EMILIN3: variants seen among roughly 807,000 people sequenced by gnomAD.
EMILIN3 encodes the protein elastin microfibril interfacer 3, also known as EMILIN-3.
A neutral mutation model predicts 42.8 loss-of-function variants in EMILIN3; 38 were observed. The observed-to-expected ratio is 0.89, with a 90% CI of 0.69 to 1.16. The LOEUF (loss-of-function observed/expected upper bound fraction) is 1.16. Among genes scored for constraint, EMILIN3 ranks in the 50% most tolerant of loss-of-function variants. The pLI, the probability that EMILIN3 is intolerant of heterozygous loss-of-function variation, is 0.00. For missense variants in EMILIN3, 924 were observed against 999.5 expected, an observed-to-expected ratio of 0.92 and a Z score of 1.02; for synonymous variants, 430 against 440.5, an observed-to-expected ratio of 0.98 and a Z score of 0.30.
In EMILIN3 at chr20:41,361,442, G is replaced by C; in HGVS notation, c.2127C>G (p.Gly709=). 1 of 1,607,192 alleles carries C rather than the reference G, an allele frequency of 6.2e-7. No homozygotes were observed. Among genetic ancestry groups the C allele is most frequent in the Non-Finnish European group, 8.5e-7 (1 of 1,176,218 alleles). ...GTGGCTCAGTGGGCAAGCTGTCCAG[G>C]CCCGCGGCCAGCAGGCCCAGCCTCC... is the stretch of plus-strand genomic sequence containing the variant. The part of the protein sequence containing the change: ...ACRRLGLLAA[G]LDSLPTEPLR... Residue 709 remains glycine, a synonymous_variant, in exon 4 of 4, where the codon GGC becomes GGG. Transcript: ENST00000332312.
At position 41,362,894 on chromosome 20, in the gene EMILIN3, G is replaced by C. The variant is rs367744702; in HGVS notation, c.675C>G (p.Gly225=). 1 of 1,613,558 alleles carries C rather than the reference G, an allele frequency of 6.2e-7. No homozygotes were observed. Among genetic ancestry groups the C allele is most frequent in the East Asian group, 2.2e-5 (1 of 44,878 alleles). Residue 225 remains glycine (G), a synonymous_variant, in exon 4 of 4, where the codon GGC becomes GGG. Coordinates refer to ENST00000332312, the MANE Select transcript of EMILIN3 (RefSeq NM_052846.2). ...CAAGCCCCTCAGGGATGACCCCAAA[G>C]CCCACAGGGACAGCAGGAGCCCTGG... is the stretch of plus-strand genomic sequence containing the variant. The part of the protein sequence containing the change: ...GGPRAPAVPV[G]FGVIPEGLVG...
At position 41,362,536 on chromosome 20, in the gene EMILIN3, G is replaced by A. The variant is rs754081127; in HGVS notation, c.1033C>T (p.Gln345Ter). 8.1e-6 allele frequency: 13 copies of A among 1,598,684 alleles called. No homozygotes were observed. Among genetic ancestry groups the A allele is most frequent in the African/African-American group, 1.3e-5 (1 of 74,916 alleles). ...TGGTGCAGCCTCCGGCTGGCGGCCT[G>A]ACCCTCCTCACATTGCCGCCGTACC... ...QEVRRQCEEG[Q>*]AASRRLHQSL... is the part of the protein sequence containing the mutation. Residue 345 changes from glutamine to a stop codon, truncating the protein, a stop_gained, in exon 4 of 4, where the codon CAG (glutamine) becomes TAG (stop). Transcript: ENST00000332312. LOFTEE classifies it high-confidence loss of function.
In EMILIN3 at chr20:41,360,566, AGAGAACTCTTGGCT is replaced by A. The variant is rs2046348099; in HGVS notation, c.*688_*701del. The A allele has an allele frequency of 6.5e-6, 1 of 152,732 alleles. No individual in the cohort carries two copies. Among genetic ancestry groups the A allele is most frequent in the Non-Finnish European group, 1.5e-5 (1 of 68,086 alleles). 9.5% of individuals were successfully genotyped at this position (152,732 alleles called of 1,614,324 possible). A position where few individuals can be genotyped will look rare whatever the true frequency, so the allele number is the denominator to read the frequency against. On this transcript the variant is annotated 3_prime_UTR_variant, in exon 4 of 4. Transcript: ENST00000332312. Reference sequence around the variant, plus strand: ...CTTGGGGGAGGATCAAAGGGAATAAAGAGAACTCTTGGCTGAGTCTTTGTGCTTCTGTTCTGTCC... The same window carrying A: ...CTTGGGGGAGGATCAAAGGGAATAAAGAGTCTTTGTGCTTCTGTTCTGTCC...
chr20:41,360,968 C>T lies in EMILIN3; in HGVS notation c.*300G>A. 3 of 431,336 alleles carry T rather than the reference C, an allele frequency of 7.0e-6. No individual in the cohort carries two copies. The highest frequency in any genetic ancestry group is 1.2e-5 in the Non-Finnish European group (3 of 240,484). The allele number at this position is 431,336 out of a possible 1,614,324, so 26.7% of individuals were successfully genotyped here. ...TGCCCCTGCCAGCCATGCTCAGGCC[C>T]TGCAGCTGGCTGTCCAGACACTGAT... On this transcript the variant is annotated 3_prime_UTR_variant, in exon 4 of 4. Transcript: ENST00000332312.
chr20:41,364,946 C>G (rs1208921557), intron 2 of EMILIN3, 89 bp downstream of exon 2: 3 of 1,578,570 alleles, frequency 1.9e-6, no homozygotes, highest in Non-Finnish European at 2.6e-6. Flanking sequence ...CAAGAAGCCC[C>G]TTGTGGAGTT....
rs775490824 is a variant in EMILIN3 at position 41,362,600 on chromosome 20, C to T, written c.969G>A (p.Leu323=). Reference sequence around the variant, plus strand: ...GGTCACACTCACTCTGGACGCCTTGCAGCTTCTGCTCAAAGCCATCCAGCA... The same window carrying T: ...GGTCACACTCACTCTGGACGCCTTGTAGCTTCTGCTCAAAGCCATCCAGCA... The part of the protein sequence containing the change: ...GSLLDGFEQK[L]QGVQSECDLR... The change falls in exon 4 of 4, where the codon CTG becomes CTA. Residue 323 remains leucine, a synonymous_variant. Transcript: ENST00000332312. 2.2e-5 allele frequency: 36 copies of T among 1,602,156 alleles called. No individual in the cohort carries two copies. The highest frequency in any genetic ancestry group is 3.0e-5 in the Non-Finnish European group (35 of 1,179,436).
In EMILIN3 at chr20:41,361,987, C is replaced by G; in HGVS notation, c.1582G>C (p.Ala528Pro). ...ETSCTPSTTS[A>P]ILDSLVAEVK... is the part of the protein sequence containing the mutation. ...TCTGCCACGAGGCTGTCCAGGATGG[C>G]TGAGGTGGTGCTCGGGGTGCACGAA... Residue 528 changes from alanine (A) to proline (P), a missense_variant, in exon 4 of 4, where the codon GCC becomes CCC. Coordinates refer to ENST00000332312, the MANE Select transcript of EMILIN3 (RefSeq NM_052846.2). 6.2e-7 allele frequency: 1 copy of G among 1,611,754 alleles called. No homozygotes were observed. Among genetic ancestry groups the G allele is most frequent in the Non-Finnish European group, 8.5e-7 (1 of 1,178,332 alleles).
rs1375994279 is a variant in EMILIN3, at chr20:41,366,726, G to C, written c.-92C>G. ...CGCCGCCCCCGCCGCTGGTCGGCCC[G>C]GGTCCCGCCCCGAGGGTCCCGGGGT... On this transcript the variant is annotated 5_prime_UTR_variant, in exon 1 of 4. Coordinates refer to ENST00000332312, the MANE Select transcript of EMILIN3 (RefSeq NM_052846.2). The surrounding 1 kb of genome is among the most constrained non-coding windows in gnomAD (Gnocchi z 4.2). 5 of 883,952 alleles carry C rather than the reference G, an allele frequency of 5.7e-6. No individual in the cohort carries two copies. The highest frequency in any genetic ancestry group is 6.8e-6 in the Non-Finnish European group (5 of 739,018). 54.8% of individuals were successfully genotyped at this position (883,952 alleles called of 1,614,324 possible). A position where few individuals can be genotyped will look rare whatever the true frequency, so the allele number is the denominator to read the frequency against.
At chr20:41,363,388 G>T (rs546860102) in intron 3 of EMILIN3, among the ~76,000 whole-genome samples, 1 of 152,214 alleles carries the variant, frequency 6.6e-6, no homozygotes, top group South Asian at 2.1e-4. Context: ...TGATCCACCC[G>T]CCTCGGCCTC....
At position 41,362,710 on chromosome 20, in the gene EMILIN3, G is replaced by A. The variant is rs763128282; in HGVS notation, c.859C>T (p.Arg287Trp). The stretch of plus-strand genomic sequence containing the variant: ...GTGAGCGGGGATGGTGGGGCTTCCC[G>A]CAGCCGCTGCAGGTGGGCCTCATGG... ...LGHEAHLQRLREAPPSPLTSL... is the reference protein window; with the variant it reads ...LGHEAHLQRLWEAPPSPLTSL... Residue 287 changes from arginine to tryptophan, a missense_variant, in exon 4 of 4, where the codon CGG (arginine) becomes TGG (tryptophan). Arg to Trp is a moderately radical substitution (Grantham distance 101). Coordinates refer to ENST00000332312, the MANE Select transcript of EMILIN3 (RefSeq NM_052846.2). The A allele has an allele frequency of 4.0e-5, 65 of 1,613,636 alleles. No homozygotes were observed. The Middle Eastern group carries it at 6.6e-4, about 16-fold the overall frequency.
chr20:41,362,406 A>C lies in EMILIN3; in HGVS notation c.1163T>G (p.Leu388Arg), dbSNP rs1263148549. ...ATCCATACGGGCATTGATCAAGGCTAGTTGCCCACAGCAGCTGCCCCTGCC... is the reference window on the plus strand; with the variant it reads ...ATCCATACGGGCATTGATCAAGGCTCGTTGCCCACAGCAGCTGCCCCTGCC... Reference protein sequence around the residue: ...VSGRGSCCGQLALINARMDGL... With the variant: ...VSGRGSCCGQRALINARMDGL... The change falls in exon 4 of 4, where the codon CTA becomes CGA. Residue 388 changes from leucine (L) to arginine (R), a missense_variant. Transcript: ENST00000332312. 3.1e-6 allele frequency: 5 copies of C among 1,602,326 alleles called. No individual in the cohort carries two copies. The highest frequency in any genetic ancestry group is 4.2e-6 in the Non-Finnish European group (5 of 1,179,938).
In EMILIN3 at chr20:41,361,305, T is replaced by A. The variant is rs373038247; in HGVS notation, c.2264A>T (p.Gln755Leu). 1 of 1,601,674 alleles carries A rather than the reference T, an allele frequency of 6.2e-7. No individual in the cohort carries two copies. The highest frequency in any genetic ancestry group is 8.5e-7 in the Non-Finnish European group (1 of 1,170,746). ...CCCTGGCCGCACCTGCTCAGCCAGC[T>A]GGGCCTGGCAGTCCAGTAGGTCATC... ...LRDDLLDCQA[Q>L]LAEQVRPGQA... Residue 755 changes from glutamine to leucine, a missense_variant, in exon 4 of 4, where the codon CAG becomes CTG. Physicochemically the swap from Gln to Leu is moderately radical, Grantham distance 113 (BLOSUM62 -2). Coordinates refer to ENST00000332312, the MANE Select transcript of EMILIN3 (RefSeq NM_052846.2).
In EMILIN3 at chr20:41,363,878, AAG is replaced by A; in HGVS notation, c.291-19_291-18del. 2 of 1,609,146 alleles carry A rather than the reference AAG, an allele frequency of 1.2e-6. No individual in the cohort carries two copies. The highest frequency in any genetic ancestry group is 1.7e-6 in the Non-Finnish European group (2 of 1,176,218). ...GTGCGGTACCTGGGCCAGGGAGGGC[AAG>A]AGAGTGGGATCCTGCACCTGAGGGC... is the stretch of plus-strand genomic sequence containing the variant. On this transcript the variant is annotated intron_variant, in intron 2 of 3. Coordinates refer to ENST00000332312, the MANE Select transcript of EMILIN3 (RefSeq NM_052846.2).
In EMILIN3 at chr20:41,366,141, C is replaced by G. The variant is rs1448382035; in HGVS notation, c.167+327G>C. Among the ~76,000 whole-genome samples the G allele has an allele frequency of 6.6e-6, 1 of 152,208 alleles. No homozygotes were observed. The highest frequency in any genetic ancestry group is 1.5e-5 in the Non-Finnish European group (1 of 68,024). ...CAGCGCGCGGACCGCCTTTCCTCCTCTCCCTCCACCTGGTCCGCTCGCCCG... is the reference window on the plus strand; with the variant it reads ...CAGCGCGCGGACCGCCTTTCCTCCTGTCCCTCCACCTGGTCCGCTCGCCCG... On this transcript the variant is annotated intron_variant, in intron 1 of 3. Transcript: ENST00000332312. This position sits in a 1 kb window ranked among gnomAD's most constrained non-coding sequence, Gnocchi z 4.2.
chr20:41,366,677 G>A lies in EMILIN3; in HGVS notation c.-43C>T, dbSNP rs1054818861. The A allele has an allele frequency of 7.8e-5, 77 of 985,166 alleles. No homozygotes were observed. The highest frequency in any genetic ancestry group is 3.1e-4 in the Admixed American group (5 of 16,098). The allele number at this position is 985,166 out of a possible 1,614,324, so 61.0% of individuals were successfully genotyped here. On this transcript the variant is annotated 5_prime_UTR_variant, in exon 1 of 4. Transcript: ENST00000332312. The surrounding 1 kb of genome is among the most constrained non-coding windows in gnomAD (Gnocchi z 4.2). ...TGCCCGGCCCCGCGCGGTGCCCCCC[G>A]CCGGGTGTCCGCCTGCAGCGCCGCG...
Position 41,361,938 on chromosome 20 carries a change from C to T in EMILIN3, c.1631G>A (p.Ser544Asn). ...VAEVKAWQSR[S>N]EALLRQVASH... ...GGCCACCTGGCGTAGGAGGGCCTCGCTCCGGCTCTGCCAGGCCTTCACCTC... is the reference window on the plus strand; with the variant it reads ...GGCCACCTGGCGTAGGAGGGCCTCGTTCCGGCTCTGCCAGGCCTTCACCTC... The change falls in exon 4 of 4, where the codon AGC becomes AAC. Residue 544 changes from serine (S) to asparagine (N), a missense_variant. Physicochemically the swap from Ser to Asn is conservative, Grantham distance 46. Coordinates refer to ENST00000332312, the MANE Select transcript of EMILIN3 (RefSeq NM_052846.2). The T allele has an allele frequency of 9.9e-6, 16 of 1,612,792 alleles. No homozygotes were observed. Among genetic ancestry groups the T allele is most frequent in the Non-Finnish European group, 1.4e-5 (16 of 1,179,744 alleles).
Position 41,366,675 on chromosome 20 carries a change from C to A in EMILIN3, c.-41G>T. ...TCTGCCCGGCCCCGCGCGGTGCCCC[C>A]CGCCGGGTGTCCGCCTGCAGCGCCG... On this transcript the variant is annotated 5_prime_UTR_variant, in exon 1 of 4. Coordinates refer to ENST00000332312, the MANE Select transcript of EMILIN3 (RefSeq NM_052846.2). The surrounding 1 kb of genome is among the most constrained non-coding windows in gnomAD (Gnocchi z 4.2). 2.0e-6 allele frequency: 2 copies of A among 988,204 alleles called. No homozygotes were observed. The highest frequency in any genetic ancestry group is 2.4e-6 in the Non-Finnish European group (2 of 832,930). The allele number at this position is 988,204 out of a possible 1,614,324, so 61.2% of individuals were successfully genotyped here. A position where few individuals can be genotyped will look rare whatever the true frequency, so the allele number is the denominator to read the frequency against.
At position 41,362,796 on chromosome 20, in the gene EMILIN3, A is replaced by C; in HGVS notation, c.773T>G (p.Val258Gly). The change falls in exon 4 of 4, where the codon GTG becomes GGG. Residue 258 changes from valine (V) to glycine (G), a missense_variant. Val to Gly is a moderately radical substitution (Grantham distance 109). Coordinates refer to ENST00000332312, the MANE Select transcript of EMILIN3 (RefSeq NM_052846.2). The part of the protein sequence containing the change: ...LDEILSKVTE[V>G]SNTLQTKVQL... ...CACCTTGGTCTGAAGAGTGTTGCTC[A>C]CCTCTGTCACCTTGCTTAGGATCTC... The C allele has an allele frequency of 3.1e-6, 5 of 1,613,986 alleles. No homozygotes were observed. Among genetic ancestry groups the C allele is most frequent in the African/African-American group, 1.3e-5 (1 of 74,994 alleles).
rs563532081 is a variant in EMILIN3 at position 41,362,650 on chromosome 20, G to C, written c.919C>G (p.Arg307Gly). The C allele has an allele frequency of 6.2e-7, 1 of 1,609,008 alleles. No individual in the cohort carries two copies. The highest frequency in any genetic ancestry group is 1.7e-5 in the Admixed American group (1 of 59,976). Residue 307 changes from arginine to glycine, a missense_variant, in exon 4 of 4, where the codon CGG becomes GGG. Transcript: ENST00000332312. ...LALLEEYVDRRLHRLWGSLLD... is the reference protein window; with the variant it reads ...LALLEEYVDRGLHRLWGSLLD... The stretch of plus-strand genomic sequence containing the variant: ...AGGCTCCCCCAGAGTCGGTGCAGCC[G>C]TCGGTCCACGTACTCCTCCAGCAGG...
Sources: allele counts gnomAD v4.1 joint callset (sites outside exome capture counted in the v4.1 genomes callset), GRCh38; gene constraint gnomAD v4.1.1; non-coding constraint Gnocchi (gnomAD v3.1); transcripts MANE v1.5; gene names NCBI Gene and HGNC (gene_info 2026-07-23, HGNC 2026-07-21).